Variants in UBA2 observed in about 807,000 individuals in gnomAD.
The protein encoded by UBA2 is ubiquitin like modifier activating enzyme 2.
A neutral mutation model predicts 77.2 loss-of-function variants in UBA2; 11 were observed. The observed-to-expected ratio is 0.14, with a 90% CI of 0.09 to 0.24. The LOEUF is 0.24. Among genes scored for constraint, UBA2 ranks in the 10% least tolerant of loss-of-function variants. The pLI, the probability that UBA2 is intolerant of heterozygous loss-of-function variation, is 1.00. For synonymous variants in UBA2, 278 were observed against 276.7 expected (o/e 1.00, Z -0.05); for missense variants, 487 against 781.7 (o/e 0.62, Z 4.50).
rs781017665 is a variant in UBA2 at position 34,431,943 on chromosome 19, T to C, written c.293+12T>C. The stretch of plus-strand genomic sequence containing the variant: ...GACAGCATCATGAAGTATGCTATAG[T>C]GATTACATTGCAAAGTTGTATAAGG... On this transcript the variant is annotated intron_variant, in intron 3 of 16. Coordinates refer to ENST00000246548, the MANE Select transcript of UBA2 (RefSeq NM_005499.3). 1.3e-6 allele frequency: 2 copies of C among 1,544,552 alleles called. No individual in the cohort carries two copies. Among genetic ancestry groups the C allele is most frequent in the African/African-American group, 3.7e-5 (2 of 54,158 alleles).
chr19:34,456,244 A>G (rs544707969), intron 12 of UBA2, among the ~76,000 whole-genome samples: 3 of 149,966 alleles, frequency 2.0e-5, no homozygotes, highest in East Asian at 4.0e-4. Flanking sequence ...CCTCTCAAGT[A>G]GCTGGGATTA....
intron 10 of UBA2, among the ~76,000 whole-genome samples, chr19:34,452,970 A>G (rs116368799): frequency 7.7e-4 from 117 of 152,260 alleles, no homozygotes; most frequent in African/African-American, 2.7e-3. Context: ...TGTTATTGTT[A>G]TGCTAGTGAT....
rs567011814 is a variant in UBA2 at position 34,435,397 on chromosome 19, C to T, written c.459+429C>T. Among the ~76,000 whole-genome samples, 5 of 152,224 alleles carry T rather than the reference C, an allele frequency of 3.3e-5. No homozygotes were observed. The East Asian group carries it at 7.7e-4, about 24-fold the overall frequency. Reference sequence around the variant, plus strand: ...TGGGCTACAGATCAAGCCTCTGTCTCAAAAAACAAACTTAAAATGCTATAA... The same window carrying T: ...TGGGCTACAGATCAAGCCTCTGTCTTAAAAAACAAACTTAAAATGCTATAA... On this transcript the variant is annotated intron_variant, in intron 5 of 16. Transcript: ENST00000246548.
chr19:34,428,639 G>C, intron 1 of UBA2, 69 bp downstream of exon 1: 1 of 1,196,058 alleles, frequency 8.4e-7, no homozygotes, highest in South Asian at 3.7e-5. Context: ...GGGTTCCGGG[G>C]CTCCAGGGGC....
chr19:34,446,981 G>A (rs1055985472), intron 8 of UBA2, among the ~76,000 whole-genome samples: 6 of 152,054 alleles, frequency 3.9e-5, no homozygotes, highest in African/African-American at 1.4e-4. Flanking sequence ...TTGTATTAGG[G>A]TTCTCTAGAG....
In UBA2 at chr19:34,454,249, A is replaced by G. The variant is rs914194074; in HGVS notation, c.1039-11A>G. On this transcript the variant is annotated splice_polypyrimidine_tract_variant and intron_variant, in intron 10 of 16. Transcript: ENST00000246548. The stretch of plus-strand genomic sequence containing the variant: ...TGGAGAAACTTGTTAAATTGTTTAA[A>G]TTATTGGCAGGATGACCCATCTGCA... 5 of 1,595,942 alleles carry G rather than the reference A, an allele frequency of 3.1e-6. No homozygotes were observed. The highest frequency in any genetic ancestry group is 4.3e-6 in the Non-Finnish European group (5 of 1,174,272).
intron 16 of UBA2, among the ~76,000 whole-genome samples, chr19:34,467,363 T>G (rs889880122): frequency 6.6e-6 from 1 of 151,034 alleles, no homozygotes; most frequent in African/African-American, 2.4e-5. Flanking sequence ...TCTCCGCTAC[T>G]CAGGAGGCTG....
At chr19:34,458,208 A>G (rs962608719) in intron 12 of UBA2, among the ~76,000 whole-genome samples, 1 of 152,174 alleles carries the variant, frequency 6.6e-6, no homozygotes, top group Non-Finnish European at 1.5e-5. Context: ...CTTATATAAT[A>G]CAAGGAGATG....
At chr19:34,437,825 C>T (rs937665395) in intron 5 of UBA2, among the ~76,000 whole-genome samples, 3 of 152,020 alleles carry the variant, frequency 2.0e-5, no homozygotes, top group Non-Finnish European at 4.4e-5. Context: ...GAAGCCAAGG[C>T]GGGCGAATCA....
Position 34,452,106 on chromosome 19 carries a change from T to G in UBA2, c.997T>G (p.Leu333Val), listed in dbSNP as rs770234024. 2 of 1,609,472 alleles carry G rather than the reference T, an allele frequency of 1.2e-6. No individual in the cohort carries two copies. Among genetic ancestry groups the G allele is most frequent in the African/African-American group, 1.3e-5 (1 of 74,852 alleles). The part of the protein sequence containing the change: ...SKSIETLRVH[L>V]AEKGDGAELI... ...GAGCATCGAGACTTTGAGAGTTCAT[T>G]TAGCAGAAAAGGGGGATGGAGCTGA... The change falls in exon 10 of 17, where the codon TTA becomes GTA. Residue 333 changes from leucine (L) to valine (V), a missense_variant. By Grantham distance (32) the Leu-to-Val change is conservative. This residue lies in a region of UBA2 where 300 missense variants were observed against 454.3 expected (regional missense o/e 0.66). Transcript: ENST00000246548.
chr19:34,438,094 T>C (rs917604474), intron 5 of UBA2, among the ~76,000 whole-genome samples: 2 of 152,114 alleles, frequency 1.3e-5, no homozygotes, highest in African/African-American at 2.4e-5. Flanking sequence ...TGAAGAGTAT[T>C]TGGTTTAGTA....
chr19:34,446,611 TC>T (rs149301978), intron 8 of UBA2, among the ~76,000 whole-genome samples: 1,431 of 27,752 alleles, frequency 0.052, 40 homozygotes, highest in African/African-American at 0.071. Context: ...TTTTTTTCTT[TC>T]TTTTTTTTTT....
chr19:34,436,128 A>C (rs896476438), intron 5 of UBA2, among the ~76,000 whole-genome samples: 1 of 151,990 alleles, frequency 6.6e-6, no homozygotes, highest in African/African-American at 2.4e-5. Context: ...CAAAAAAAAA[A>C]AAACCAAAAA....
rs2075388354 is a variant in UBA2 at position 34,443,099 on chromosome 19, C to T, written c.582-745C>T. ...CTCTGTTCAGCAGTAAAGAGCCATT[C>T]TACCATGAAAAAAAGTTAATCTTGT... On this transcript the variant is annotated intron_variant, in intron 6 of 16. Transcript: ENST00000246548. Among the ~76,000 whole-genome samples the T allele has an allele frequency of 5.3e-5, 8 of 152,186 alleles. 1 individual carries two copies. In the South Asian group the frequency reaches 1.7e-3, roughly 32 times the overall value.
chr19:34,434,845 C>T, intron 4 of UBA2, 23 bp from the exon 5 acceptor site: 2 of 1,561,984 alleles, frequency 1.3e-6, no homozygotes, highest in South Asian at 1.2e-5. Context: ...CCCAAAAACT[C>T]ATACTGTTTG....
chr19:34,445,059 C>T lies in UBA2; in HGVS notation c.709C>T (p.Arg237Cys). 1.2e-6 allele frequency: 2 copies of T among 1,613,868 alleles called. No homozygotes were observed. The highest frequency in any genetic ancestry group is 1.7e-6 in the Non-Finnish European group (2 of 1,179,884). The change falls in exon 8 of 17, where the codon CGT becomes TGT. Residue 237 changes from arginine (R) to cysteine (C), a missense_variant. Transcript: ENST00000246548. ...RASNEDGDIK[R>C]ISTKEWAKST... ...ATCTAATGAAGATGGTGACATTAAACGTATTTCTACTAAGGAATGGGCTAA... is the reference window on the plus strand; with the variant it reads ...ATCTAATGAAGATGGTGACATTAAATGTATTTCTACTAAGGAATGGGCTAA...
At chr19:34,466,750 T>TA (rs754815295) in intron 15 of UBA2, 128 bp from the exon 16 acceptor site, 3,085 of 647,410 alleles carry the variant, frequency 4.8e-3, no homozygotes, top group Middle Eastern at 7.8e-3. Context: ...AAATAAAAAT[T>TA]AAAAAAAAAA....
rs1046617170 is a variant in UBA2 at position 34,431,763 on chromosome 19, G to A, written c.223-98G>A. 6.0e-6 allele frequency: 6 copies of A among 999,150 alleles called. No individual in the cohort carries two copies. The African/African-American group carries it at 9.6e-5, about 16-fold the overall frequency. The allele number at this position is 999,150 out of a possible 1,614,324, so 61.9% of individuals were successfully genotyped here. A position where few individuals can be genotyped will look rare whatever the true frequency, so the allele number is the denominator to read the frequency against. ...CTTCTTTGGTGTTTAATATAAATAAGGTACTATGTAAGTAGATAACAGCAT... is the reference window on the plus strand; with the variant it reads ...CTTCTTTGGTGTTTAATATAAATAAAGTACTATGTAAGTAGATAACAGCAT... On this transcript the variant is annotated intron_variant, in intron 2 of 16. Coordinates refer to ENST00000246548, the MANE Select transcript of UBA2 (RefSeq NM_005499.3).
chr19:34,444,044 G>GTTTTT (rs35028159), intron 7 of UBA2, 133 bp downstream of exon 7: 108 of 175,746 alleles, frequency 6.1e-4, no homozygotes, highest in African/African-American at 1.0e-3. Flanking sequence ...TTTTTTTTTT[G>GTTTTT]TTTTTTTTTT....
Sources: allele counts gnomAD v4.1 joint callset (sites outside exome capture counted in the v4.1 genomes callset), GRCh38; gene constraint gnomAD v4.1.1; regional missense constraint gnomAD v4.1.1; transcripts MANE v1.5; gene names NCBI Gene and HGNC (gene_info 2026-07-23, HGNC 2026-07-21).